The following GASK1B variants were observed in gnomAD, a reference collection of about 807,000 sequenced individuals.
GASK1B encodes golgi associated kinase 1B, also known as Golgi-associated kinase 1B.
In GASK1B, 34 loss-of-function variants were observed where a neutral mutation model predicts 42.8. The observed-to-expected ratio is 0.79, with a 90% CI of 0.60 to 1.06. The LOEUF (loss-of-function observed/expected upper bound fraction) is 1.06. GASK1B is among the 50% of genes least tolerant of loss of function. The pLI is 0.00. For missense variants in GASK1B, 686 were observed against 661.0 expected (o/e 1.04, Z -0.42); for synonymous variants, 262 against 259.1 (o/e 1.01, Z -0.11).
chr4:158,148,155 A>G (rs1429381279), intron 3 of GASK1B, among the ~76,000 whole-genome samples: 1 of 152,178 alleles, frequency 6.6e-6, no homozygotes, highest in Non-Finnish European at 1.5e-5. Flanking sequence ...CTGAGGTTGC[A>G]GTGAGTTATG....
chr4:158,148,507 T>C (rs747586806), intron 3 of GASK1B, among the ~76,000 whole-genome samples: 1 of 152,186 alleles, frequency 6.6e-6, no homozygotes, highest in Non-Finnish European at 1.5e-5. Context: ...TTGCTATCCC[T>C]GAATATATAA....
chr4:158,137,590 G>A (rs1730948880), intron 3 of GASK1B, among the ~76,000 whole-genome samples: 1 of 152,114 alleles, frequency 6.6e-6, no homozygotes, highest in Non-Finnish European at 1.5e-5. Flanking sequence ...GTAGTCTAAT[G>A]AGTGTATAAA....
chr4:158,147,223 C>T (rs780066544), intron 3 of GASK1B, among the ~76,000 whole-genome samples: 22 of 152,084 alleles, frequency 1.4e-4, no homozygotes, highest in Non-Finnish European at 2.1e-4. Flanking sequence ...TAACTATTTA[C>T]TATGGCATTC....
In GASK1B at chr4:158,171,353, C is replaced by T. The variant is rs764710363; in HGVS notation, c.23G>A (p.Gly8Glu). The change falls in exon 2 of 5, where the codon GGG (glycine) becomes GAG (glutamate). Residue 8 changes from glycine (G) to glutamate (E), a missense_variant. Gly to Glu is a moderately conservative substitution (Grantham distance 98). Transcript: ENST00000585682. ...GCAGATGAACCAGTTTATGAGCTGCCCCGGCTTGTCTGGACAGGTCATTTC... is the reference window on the plus strand; with the variant it reads ...GCAGATGAACCAGTTTATGAGCTGCTCCGGCTTGTCTGGACAGGTCATTTC... MTCPDKP[G>E]QLINWFICSL... 1.3e-6 allele frequency: 2 copies of T among 1,597,096 alleles called. No homozygotes were observed. Among genetic ancestry groups the T allele is most frequent in the South Asian group, 2.3e-5 (2 of 88,710 alleles).
chr4:158,139,146 T>A (rs545988949), intron 3 of GASK1B, among the ~76,000 whole-genome samples: 31 of 152,326 alleles, frequency 2.0e-4, no homozygotes, highest in African/African-American at 7.5e-4. Context: ...GTGACTCGTG[T>A]GGATTTCAAA....
intron 3 of GASK1B, among the ~76,000 whole-genome samples, chr4:158,151,815 G>A (rs1264627499): frequency 6.6e-6 from 1 of 152,186 alleles, no homozygotes; most frequent in Non-Finnish European, 1.5e-5. Flanking sequence ...GATGGTTAAT[G>A]TTGAATGTCA....
At chr4:158,149,690 A>T (rs557094181) in intron 3 of GASK1B, among the ~76,000 whole-genome samples, 1 of 152,250 alleles carries the variant, frequency 6.6e-6, no homozygotes, top group Admixed American at 6.5e-5. Context: ...AGGTACTTTC[A>T]TTCATTCTCC....
At chr4:158,142,362 T>C (rs1004894953) in intron 3 of GASK1B, among the ~76,000 whole-genome samples, 3 of 152,074 alleles carry the variant, frequency 2.0e-5, no homozygotes, top group Admixed American at 6.5e-5. Flanking sequence ...TGAACAAGAG[T>C]GTGAGGCATA....
In GASK1B at chr4:158,170,687, C is replaced by G. The variant is rs1240686272; in HGVS notation, c.689G>C (p.Ser230Thr). ...CACAGGCCGGAGCCCTGCCACTGCG[C>G]TGTCCGCCAAGAGTCGCATTCTTCG... ...DIRRMRLLAD[S>T]AVAGLRPVSS... Residue 230 changes from serine (S) to threonine (T), a missense_variant, in exon 2 of 5, where the codon AGC (serine) becomes ACC (threonine). Ser to Thr is a moderately conservative substitution (Grantham distance 58). Coordinates refer to ENST00000585682, the MANE Select transcript of GASK1B (RefSeq NM_001128424.2). The G allele has an allele frequency of 5.6e-6, 9 of 1,614,196 alleles. No individual in the cohort carries two copies. Among genetic ancestry groups the G allele is most frequent in the Non-Finnish European group, 7.6e-6 (9 of 1,180,046 alleles).
intron 3 of GASK1B, among the ~76,000 whole-genome samples, chr4:158,154,846 G>T (rs1731698002): frequency 6.6e-6 from 1 of 152,012 alleles, no homozygotes; most frequent in Non-Finnish European, 1.5e-5. Flanking sequence ...TGGACTTTGG[G>T]GTCTCAGGGG....
At chr4:158,165,326 T>A (rs1732188005) in intron 2 of GASK1B, among the ~76,000 whole-genome samples, 2 of 152,220 alleles carry the variant, frequency 1.3e-5, no homozygotes, top group Admixed American at 6.5e-5. Flanking sequence ...ATAAATACTT[T>A]AGGATATTTT....
chr4:158,150,857 G>A (rs1731529899), intron 3 of GASK1B, among the ~76,000 whole-genome samples: 3 of 152,172 alleles, frequency 2.0e-5, no homozygotes, highest in Non-Finnish European at 4.4e-5. Context: ...CCCCAGTTCA[G>A]TCCTTGCTGG....
At chr4:158,154,066 G>A (rs1211834075) in intron 3 of GASK1B, among the ~76,000 whole-genome samples, 5 of 151,228 alleles carry the variant, frequency 3.3e-5, no homozygotes, top group Non-Finnish European at 7.4e-5. Flanking sequence ...AATCAGCAGA[G>A]TAAATTGACC....
chr4:158,147,801 T>C (rs1446173683), intron 3 of GASK1B, among the ~76,000 whole-genome samples: 2 of 152,102 alleles, frequency 1.3e-5, no homozygotes, highest in Non-Finnish European at 2.9e-5. Context: ...TTGACAAACG[T>C]TAATTTTCTT....
At position 158,170,702 on chromosome 4, in the gene GASK1B, C is replaced by A; in HGVS notation, c.674G>T (p.Arg225Leu). 2 of 1,614,206 alleles carry A rather than the reference C, an allele frequency of 1.2e-6. No individual in the cohort carries two copies. Among genetic ancestry groups the A allele is most frequent in the Non-Finnish European group, 8.5e-7 (1 of 1,180,048 alleles). ...TGCCACTGCGCTGTCCGCCAAGAGT[C>A]GCATTCTTCGGATGTCATCTTTGCT... is the stretch of plus-strand genomic sequence containing the variant. ...WLSKDDIRRM[R>L]LLADSAVAGL... Residue 225 changes from arginine to leucine, a missense_variant, in exon 2 of 5, where the codon CGA (arginine) becomes CTA (leucine). By Grantham distance (102) the Arg-to-Leu change is moderately radical. Transcript: ENST00000585682.
In GASK1B at chr4:158,153,258, A is replaced by G. The variant is rs1014273255; in HGVS notation, c.1125+2353T>C. Among the ~76,000 whole-genome samples the G allele has an allele frequency of 9.2e-5, 14 of 152,286 alleles. 1 individual carries two copies. Among genetic ancestry groups the G allele is most frequent in the African/African-American group, 2.6e-4 (11 of 41,564 alleles). On this transcript the variant is annotated intron_variant, in intron 3 of 4. Transcript: ENST00000585682. ...CTTAACCCCTTTTACAATAGCTGCA[A>G]AAAATAAAATAAAATACTTAGGAAT...
intron 3 of GASK1B, among the ~76,000 whole-genome samples, chr4:158,144,301 T>C (rs1463257880): frequency 6.6e-6 from 1 of 152,222 alleles, no homozygotes; most frequent in Non-Finnish European, 1.5e-5. Flanking sequence ...TATTAAGTAG[T>C]ATCATTAATT....
intron 3 of GASK1B, among the ~76,000 whole-genome samples, chr4:158,151,522 G>A (rs1169703962): frequency 3.9e-5 from 6 of 152,118 alleles, no homozygotes; most frequent in Non-Finnish European, 8.8e-5. Flanking sequence ...ATAAATGGTA[G>A]CTATGATGAG....
chr4:158,153,275 C>T (rs1320170548), intron 3 of GASK1B, among the ~76,000 whole-genome samples: 1 of 152,034 alleles, frequency 6.6e-6, no homozygotes, highest in African/African-American at 2.4e-5. Context: ...AAATAAAATA[C>T]TTAGGAATAT....
Sources: allele counts gnomAD v4.1 joint callset (sites outside exome capture counted in the v4.1 genomes callset), GRCh38; gene constraint gnomAD v4.1.1; transcripts MANE v1.5; gene names NCBI Gene and HGNC (gene_info 2026-07-23, HGNC 2026-07-21).